HDLBP: variants seen among roughly 807,000 people sequenced by gnomAD.
HDLBP encodes vigilin.
HDLBP carries 30 observed loss-of-function variants against 137.3 expected under a neutral mutation model. The observed-to-expected ratio is 0.22, with a 90% CI of 0.16 to 0.30. The LOEUF (loss-of-function observed/expected upper bound fraction) is 0.30. Among genes scored for constraint, HDLBP ranks in the 10% least tolerant of loss-of-function variants. The pLI is 1.00. For missense variants in HDLBP, 1,119 were observed against 1,667.3 expected, an observed-to-expected ratio of 0.67 and a Z score of 5.73; for synonymous variants, 606 against 596.0, an observed-to-expected ratio of 1.02 and a Z score of -0.24.
Position 241,249,989 on chromosome 2 carries a change from C to G in HDLBP, c.1373-9G>C. 4 of 1,595,996 alleles carry G rather than the reference C, an allele frequency of 2.5e-6. No homozygotes were observed. The highest frequency in any genetic ancestry group is 2.6e-6 in the Non-Finnish European group (3 of 1,172,850). The stretch of plus-strand genomic sequence containing the variant: ...GTCTTTGATTCTGTTTACTTAGGAA[C>G]ACAAAAGGAAACACATTTAGGACAC... On this transcript the variant is annotated splice_polypyrimidine_tract_variant and intron_variant, in intron 11 of 27. Transcript: ENST00000310931.
intron 14 of HDLBP, 49 bp downstream of exon 14, chr2:241,247,954 C>T (rs1402289834): frequency 7.5e-7 from 1 of 1,338,416 alleles, no homozygotes; most frequent in Admixed American, 1.7e-5. Flanking sequence ...ACGCATGCCC[C>T]ACCCACCCCA....
At chr2:241,271,206 CTTTTCCCAT>C (rs1255996488) in intron 1 of HDLBP, 9 of 876,872 alleles carry the variant, frequency 1.0e-5, no homozygotes, top group Non-Finnish European at 1.2e-5. Flanking sequence ...CTCCCAACTA[CTTTTCCCAT>C]AGGAAGCTCG....
intron 6 of HDLBP, 56 bp downstream of exon 6, chr2:241,256,544 A>G: frequency 6.4e-7 from 1 of 1,573,852 alleles, no homozygotes; most frequent in Non-Finnish European, 8.7e-7. Flanking sequence ...CCCATGAGGG[A>G]GTGAGGTCTG....
In HDLBP at chr2:241,229,823, C is replaced by T. The variant is rs764411201; in HGVS notation, c.3720+10G>A. ...CCTGGGACCCAGGAGGGCAGAAGCC[C>T]GCATCTGACCTTCTCACTGCTGCTG... is the stretch of plus-strand genomic sequence containing the variant. On this transcript the variant is annotated intron_variant, in intron 27 of 27. Transcript: ENST00000310931. 4.5e-6 allele frequency: 7 copies of T among 1,567,762 alleles called. No individual in the cohort carries two copies. In the African/African-American group the frequency reaches 5.4e-5, roughly 12 times the overall value.
chr2:241,255,990 A>G (rs1176173583), intron 7 of HDLBP, among the ~76,000 whole-genome samples, 194 bp downstream of exon 7: 1 of 152,232 alleles, frequency 6.6e-6, no homozygotes, highest in Non-Finnish European at 1.5e-5. Context: ...GGCAAGGACA[A>G]CTGCCAGGCA....
At chr2:241,236,991 G>C (rs990203467) in intron 20 of HDLBP, among the ~76,000 whole-genome samples, 13 of 144,068 alleles carry the variant, frequency 9.0e-5, no homozygotes, top group Non-Finnish European at 1.4e-4. Context: ...GGGGGGGGGG[G>C]GGGCGGCAAT....
intron 1 of HDLBP, among the ~76,000 whole-genome samples, chr2:241,310,746 G>A (rs1214144862): frequency 1.3e-5 from 2 of 152,124 alleles, no homozygotes; most frequent in Non-Finnish European, 2.9e-5. Context: ...AAATAAACAG[G>A]ACCAAAGAGT....
rs192984187 is a variant in HDLBP, at chr2:241,313,904, G to T, written c.-103+1666C>A. ...CCTTACACTCAATGCACTTTTACCCGAATGACGTTAATTTGACTCCTGATA... is the reference window on the plus strand; with the variant it reads ...CCTTACACTCAATGCACTTTTACCCTAATGACGTTAATTTGACTCCTGATA... On this transcript the variant is annotated intron_variant, in intron 1 of 27. Transcript: ENST00000310931. Among the ~76,000 whole-genome samples, 9 of 152,258 alleles carry T rather than the reference G, an allele frequency of 5.9e-5. No homozygotes were observed. The East Asian group carries it at 7.7e-4, about 13-fold the overall frequency.
Position 241,315,610 on chromosome 2 carries a change from G to A in HDLBP, c.-143C>T, listed in dbSNP as rs2076049612. The A allele has an allele frequency of 6.6e-6, 1 of 152,316 alleles. No homozygotes were observed. The highest frequency in any genetic ancestry group is 2.4e-5 in the African/African-American group (1 of 41,456). The allele number at this position is 152,316 out of a possible 1,614,324, so 9.4% of individuals were successfully genotyped here. A position where few individuals can be genotyped will look rare whatever the true frequency, so the allele number is the denominator to read the frequency against. On this transcript the variant is annotated 5_prime_UTR_variant, in exon 1 of 28. Coordinates refer to ENST00000310931, the MANE Select transcript of HDLBP (RefSeq NM_005336.6). ...AAGCATAAGAAAACCGAGCTCATAA[G>A]GTAGGAACTGTGGCGAAACAGGGAC...
At position 241,272,842 on chromosome 2, in the gene HDLBP, G is replaced by GC; in HGVS notation, c.-102-4302dup. ...AAGCCGGGACGCTCCGAGGCGCGGC[G>GC]CCCGGGCCCCGGCTGCTATATAGGG... is the stretch of plus-strand genomic sequence containing the variant. On this transcript the variant is annotated intron_variant, in intron 1 of 27. Coordinates refer to ENST00000310931, the MANE Select transcript of HDLBP (RefSeq NM_005336.6). This position sits in a 1 kb window ranked among gnomAD's most constrained non-coding sequence, Gnocchi z 5.6. 1 of 288,882 alleles carries GC rather than the reference G, an allele frequency of 3.5e-6. No homozygotes were observed. Among genetic ancestry groups the GC allele is most frequent in the Non-Finnish European group, 5.2e-6 (1 of 193,868 alleles). The allele number at this position is 288,882 out of a possible 1,614,324, so 17.9% of individuals were successfully genotyped here.
intron 1 of HDLBP, among the ~76,000 whole-genome samples, chr2:241,277,970 C>A (rs530181676): frequency 1.8e-4 from 27 of 151,932 alleles, no homozygotes; most frequent in Admixed American, 5.2e-4. Flanking sequence ...TCAAAAAAAA[C>A]CAAAAAACAA....
intron 15 of HDLBP, 25 bp downstream of exon 15, chr2:241,247,031 C>A (rs1216204112): frequency 1.9e-6 from 3 of 1,589,430 alleles, no homozygotes; most frequent in South Asian, 2.2e-5. Flanking sequence ...CAAGAAGAAG[C>A]AAGATGCAGC....
Position 241,236,750 on chromosome 2 carries a change from A to T in HDLBP, c.2769T>A (p.Val923=). 1 of 1,614,196 alleles carries T rather than the reference A, an allele frequency of 6.2e-7. No homozygotes were observed. Among genetic ancestry groups the T allele is most frequent in the Non-Finnish European group, 8.5e-7 (1 of 1,180,016 alleles). The change falls in exon 21 of 28, where the codon GTT becomes GTA. Residue 923 remains valine (V), a synonymous_variant. Transcript: ENST00000310931. ...EENAVHSTEP[V]VQENGDEAGE... is the part of the protein sequence containing the mutation. ...CAGCTTCGTCCCCATTCTCCTGGACAACTGGCTCTGTACTGTGAACTAGAG... is the reference window on the plus strand; with the variant it reads ...CAGCTTCGTCCCCATTCTCCTGGACTACTGGCTCTGTACTGTGAACTAGAG...
chr2:241,301,693 A>C (rs1252834105), intron 1 of HDLBP, among the ~76,000 whole-genome samples: 1 of 152,214 alleles, frequency 6.6e-6, no homozygotes. Flanking sequence ...GACACCAAGC[A>C]ACATGGTTCT....
intron 1 of HDLBP, chr2:241,280,133 C>T (rs1575012934): frequency 1.0e-6 from 1 of 984,812 alleles, no homozygotes; most frequent in African/African-American, 1.7e-5. Flanking sequence ...AATTTGCACT[C>T]CCATACTGAG....
rs1415983071 is a variant in HDLBP at position 241,238,890 on chromosome 2, G to T, written c.2611-103C>A. On this transcript the variant is annotated intron_variant, in intron 19 of 27. Transcript: ENST00000310931. This position sits in a 1 kb window ranked among gnomAD's most constrained non-coding sequence, Gnocchi z 4.9. ...ACCACCTTCCTCCCTGTCCTCTACA[G>T]CCACTTGGCACAGATGCTCCCCTTC... 1.7e-5 allele frequency: 16 copies of T among 928,178 alleles called. No individual in the cohort carries two copies. In the Admixed American group the frequency reaches 2.4e-4, roughly 14 times the overall value. The allele number at this position is 928,178 out of a possible 1,614,324, so 57.5% of individuals were successfully genotyped here.
In HDLBP at chr2:241,238,383, A is replaced by C. The variant is rs555899232; in HGVS notation, c.2749+266T>G. On this transcript the variant is annotated intron_variant, in intron 20 of 27. Coordinates refer to ENST00000310931, the MANE Select transcript of HDLBP (RefSeq NM_005336.6). This position sits in a 1 kb window ranked among gnomAD's most constrained non-coding sequence, Gnocchi z 4.9. ...ACTGAACTCGGGACACCCGAGGATGAGGCTGCACGCTCCTCATCGCCTTGG... is the reference window on the plus strand; with the variant it reads ...ACTGAACTCGGGACACCCGAGGATGCGGCTGCACGCTCCTCATCGCCTTGG... 4.0e-5 allele frequency: 12 copies of C among 303,764 alleles called. No homozygotes were observed. In the South Asian group the frequency reaches 1.7e-3, roughly 43 times the overall value. 18.8% of individuals were successfully genotyped at this position (303,764 alleles called of 1,614,324 possible).
At position 241,245,245 on chromosome 2, in the gene HDLBP, G is replaced by A. The variant is rs184290330; in HGVS notation, c.1950+1507C>T. ...ATGGCCCAGGCTGGAGTGCAGCAGC[G>A]CAATCTCAGCTCACTGCAACCTCCA... On this transcript the variant is annotated intron_variant, in intron 16 of 27. Coordinates refer to ENST00000310931, the MANE Select transcript of HDLBP (RefSeq NM_005336.6). Among the ~76,000 whole-genome samples, 651 of 150,310 alleles carry A rather than the reference G, an allele frequency of 4.3e-3. 3 individuals carry two copies. In the Middle Eastern group the frequency reaches 0.049, roughly 11 times the overall value.
chr2:241,294,431 A>T (rs2075108802), intron 1 of HDLBP, among the ~76,000 whole-genome samples: 1 of 152,162 alleles, frequency 6.6e-6, no homozygotes, highest in South Asian at 2.1e-4. Context: ...ATTATAGACT[A>T]TTCTACAGAC....
Sources: allele counts gnomAD v4.1 joint callset (sites outside exome capture counted in the v4.1 genomes callset), GRCh38; gene constraint gnomAD v4.1.1; non-coding constraint Gnocchi (gnomAD v3.1); transcripts MANE v1.5; gene names NCBI Gene and HGNC (gene_info 2026-07-23, HGNC 2026-07-21).